Variants in SH3GLB2 observed in about 807,000 individuals in gnomAD.
SH3GLB2 encodes SH3 domain containing GRB2 like, endophilin B2, also known as endophilin-B2.
A neutral mutation model predicts 48.0 loss-of-function variants in SH3GLB2; 24 were observed. The ratio of observed to expected loss-of-function variants is 0.50; its 90% confidence interval spans 0.36 to 0.70. The LOEUF is 0.70. Among genes scored for constraint, SH3GLB2 ranks in the 30% least tolerant of loss-of-function variants. SH3GLB2 has a pLI of 0.00. For missense variants in SH3GLB2, 425 were observed against 516.0 expected (o/e 0.82, Z 1.71); for synonymous variants, 227 against 207.6 (o/e 1.09, Z -0.80).
rs544045480 is a variant in SH3GLB2, at chr9:129,017,008, C to T, written c.335-2104G>A. 4.5e-4 allele frequency among the ~76,000 whole-genome samples: 64 copies of T among 142,588 alleles called. No individual in the cohort carries two copies. The South Asian group carries it at 0.01, about 23-fold the overall frequency. 93.5% of individuals were successfully genotyped at this position (142,588 alleles called of 152,430 possible). ...TGTCTCCCAGGCTGGAGTGCAGTGG[C>T]GCGCTCTTGGCTCGCTGCAACCTAC... On this transcript the variant is annotated intron_variant, in intron 3 of 10. Coordinates refer to ENST00000372564, the MANE Select transcript of SH3GLB2 (RefSeq NM_020145.4).
Position 129,009,205 on chromosome 9 carries a change from C to G in SH3GLB2, c.981G>C (p.Leu327=). Residue 327 remains leucine, a synonymous_variant, in exon 10 of 11, where the codon CTG becomes CTC. Coordinates refer to ENST00000372564, the MANE Select transcript of SH3GLB2 (RefSeq NM_020145.4). ...CACTGGCAGGGGGGGCCACCTCTTC[C>G]AGGCAGAGCGAGGCCTCCCCCGGAG... ...LAPPGEASLC[L]EEVAPPASGT... The G allele has an allele frequency of 6.2e-7, 1 of 1,609,680 alleles. No homozygotes were observed. Among genetic ancestry groups the G allele is most frequent in the Non-Finnish European group, 8.5e-7 (1 of 1,178,546 alleles).
rs1397321930 is a variant in SH3GLB2 at position 129,008,353 on chromosome 9, G to A, written c.*331C>T. The A allele has an allele frequency of 3.3e-6, 1 of 304,050 alleles. No individual in the cohort carries two copies. The highest frequency in any genetic ancestry group is 6.5e-6 in the Non-Finnish European group (1 of 154,418). The allele number at this position is 304,050 out of a possible 1,614,324, so 18.8% of individuals were successfully genotyped here. ...GCTGAGTGCACCTGGGGCTTCCTGAGCCCATCTGCGGCGGCCCCACCCTGG... is the reference window on the plus strand; with the variant it reads ...GCTGAGTGCACCTGGGGCTTCCTGAACCCATCTGCGGCGGCCCCACCCTGG... On this transcript the variant is annotated 3_prime_UTR_variant, in exon 11 of 11. Coordinates refer to ENST00000372564, the MANE Select transcript of SH3GLB2 (RefSeq NM_020145.4).
At chr9:129,010,836 C>G (rs1396787769) in intron 6 of SH3GLB2, 143 bp from the exon 7 acceptor site, 17 of 1,041,866 alleles carry the variant, frequency 1.6e-5, no homozygotes. Flanking sequence ...GGAGCTGAGA[C>G]TGGGCCGAGG....
At position 129,011,014 on chromosome 9, in the gene SH3GLB2, G is replaced by T; in HGVS notation, c.625-321C>A. 2 of 398,818 alleles carry T rather than the reference G, an allele frequency of 5.0e-6. No homozygotes were observed. Among genetic ancestry groups the T allele is most frequent in the Non-Finnish European group, 9.1e-6 (2 of 219,244 alleles). The allele number at this position is 398,818 out of a possible 1,614,324, so 24.7% of individuals were successfully genotyped here. A position where few individuals can be genotyped will look rare whatever the true frequency, so the allele number is the denominator to read the frequency against. ...TGTCCCCACCCCATCCTGACTGCTG[G>T]CTCAGGCTGCTGGGCTGGGCGGCAG... On this transcript the variant is annotated intron_variant, in intron 6 of 10. Transcript: ENST00000372564. This position sits in a 1 kb window ranked among gnomAD's most constrained non-coding sequence, Gnocchi z 4.5.
At chr9:129,019,207 G>A (rs893531643) in intron 3 of SH3GLB2, among the ~76,000 whole-genome samples, 3 of 151,588 alleles carry the variant, frequency 2.0e-5, no homozygotes, top group Non-Finnish European at 2.9e-5. Context: ...GCAACATAGC[G>A]AGATCCCCAT....
chr9:129,027,181 G>A (rs1246426401), intron 1 of SH3GLB2, among the ~76,000 whole-genome samples: 2 of 152,196 alleles, frequency 1.3e-5, no homozygotes, highest in African/African-American at 2.4e-5. Context: ...TCTGAGAGAA[G>A]TGACTTGTCC....
intron 6 of SH3GLB2, 50 bp downstream of exon 6, chr9:129,012,186 C>G: frequency 1.4e-6 from 1 of 736,808 alleles, no homozygotes; most frequent in Non-Finnish European, 1.5e-6. Flanking sequence ...TGGTGTGGGA[C>G]GTGGGGAGAG....
intron 2 of SH3GLB2, among the ~76,000 whole-genome samples, chr9:129,021,688 G>A (rs1231863134): frequency 6.6e-6 from 1 of 151,746 alleles, no homozygotes; most frequent in Admixed American, 6.6e-5. Flanking sequence ...GACGGACACG[G>A]TGGCTCCTGC....
At chr9:129,018,401 C>T (rs1205997516) in intron 3 of SH3GLB2, among the ~76,000 whole-genome samples, 2 of 150,844 alleles carry the variant, frequency 1.3e-5, no homozygotes, top group African/African-American at 4.9e-5. Context: ...CATGGTGAGA[C>T]CCCGTCTCTA....
At chr9:129,020,779 A>C (rs1412059916) in intron 3 of SH3GLB2, among the ~76,000 whole-genome samples, 2 of 151,996 alleles carry the variant, frequency 1.3e-5, no homozygotes, top group East Asian at 3.9e-4. Flanking sequence ...CTGAGGCAGG[A>C]GAACGGCGGG....
rs780736717 is a variant in SH3GLB2, at chr9:129,014,816, G to C, written c.423C>G (p.Leu141=). 6 of 1,613,922 alleles carry C rather than the reference G, an allele frequency of 3.7e-6. No individual in the cohort carries two copies. In the East Asian group the frequency reaches 1.3e-4, roughly 36 times the overall value. ...CCTCCAGGAAGTTGCGCAAGGGTGT[G>C]AGGAAGCTGATGGAGGCCGTGTGGA... The part of the protein sequence containing the change: ...DFIHTASISF[L]TPLRNFLEGD... Residue 141 remains leucine, a synonymous_variant, in exon 4 of 11, where the codon CTC becomes CTG. Coordinates refer to ENST00000372564, the MANE Select transcript of SH3GLB2 (RefSeq NM_020145.4). The surrounding 1 kb of genome is among the most constrained non-coding windows in gnomAD (Gnocchi z 4.1).
At chr9:129,013,528 G>C (rs1843244634) in intron 5 of SH3GLB2, 1 of 181,810 alleles carries the variant, frequency 5.5e-6, no homozygotes, top group Non-Finnish European at 1.2e-5. Context: ...CCCTGCCTCT[G>C]ATCTAGACCC....
intron 1 of SH3GLB2, among the ~76,000 whole-genome samples, chr9:129,024,072 C>T (rs1236233215): frequency 6.6e-6 from 1 of 152,094 alleles, no homozygotes; most frequent in Non-Finnish European, 1.5e-5. Flanking sequence ...GGCTATTTGG[C>T]CAGCACACAG....
chr9:129,013,187 G>T, intron 5 of SH3GLB2: 1 of 689,022 alleles, frequency 1.5e-6, no homozygotes, highest in Non-Finnish European at 2.6e-6. Context: ...TAACGTGTGC[G>T]TGCTTATGGG....
At chr9:129,024,979 A>C (rs1220148727) in intron 1 of SH3GLB2, among the ~76,000 whole-genome samples, 2 of 151,764 alleles carry the variant, frequency 1.3e-5, no homozygotes, top group African/African-American at 2.4e-5. Context: ...CAAAAAAAAA[A>C]AAAGACAGCA....
intron 2 of SH3GLB2, 67 bp downstream of exon 2, chr9:129,022,215 C>T: frequency 6.3e-7 from 1 of 1,582,118 alleles, no homozygotes; most frequent in Admixed American, 1.7e-5. Context: ...CACAACAGGG[C>T]CAGGCCTCCT....
At position 129,014,919 on chromosome 9, in the gene SH3GLB2, T is replaced by C; in HGVS notation, c.335-15A>G. On this transcript the variant is annotated splice_polypyrimidine_tract_variant and intron_variant, in intron 3 of 10. Coordinates refer to ENST00000372564, the MANE Select transcript of SH3GLB2 (RefSeq NM_020145.4). The surrounding 1 kb of genome is among the most constrained non-coding windows in gnomAD (Gnocchi z 4.1). ...CAGTGTCTTCCCTGAGAAAACAGAG[T>C]TGAAGCGTGAGGAAGAAGGTCAGGC... 1 of 1,611,018 alleles carries C rather than the reference T, an allele frequency of 6.2e-7. No individual in the cohort carries two copies. Among genetic ancestry groups the C allele is most frequent in the African/African-American group, 1.3e-5 (1 of 74,910 alleles).
At chr9:129,022,449 T>TGGGGAGGGGGAGAGCTCAGAAG (rs1843869733) in intron 1 of SH3GLB2, 26 bp from the exon 2 acceptor site, 1 of 1,276,028 alleles carries the variant, frequency 7.8e-7, no homozygotes, top group Non-Finnish European at 1.0e-6. Flanking sequence ...GGCCAAGGGG[T>TGGGGAGGGGGAGAGCTCAGAAG]GGGGAGGGGG....
rs916011921 is a variant in SH3GLB2, at chr9:129,010,809, G to GC, written c.625-117dup. 2.3e-4 allele frequency: 299 copies of GC among 1,281,538 alleles called. 1 individual carries two copies. The highest frequency in any genetic ancestry group is 9.6e-4 in the Middle Eastern group (4 of 4,176). 79.4% of individuals were successfully genotyped at this position (1,281,538 alleles called of 1,614,324 possible). On this transcript the variant is annotated intron_variant, in intron 6 of 10. Transcript: ENST00000372564. ...TCAACTTCTGCCCCCCTGCCCCTCTGCCCCCCCTCCCAAACAGGAGCTGAG... is the reference window on the plus strand; with the variant it reads ...TCAACTTCTGCCCCCCTGCCCCTCTGCCCCCCCCTCCCAAACAGGAGCTGAG...
Sources: allele counts gnomAD v4.1 joint callset (sites outside exome capture counted in the v4.1 genomes callset), GRCh38; gene constraint gnomAD v4.1.1; non-coding constraint Gnocchi (gnomAD v3.1); transcripts MANE v1.5; gene names NCBI Gene and HGNC (gene_info 2026-07-23, HGNC 2026-07-21).